The following NCKAP5 variants were observed in gnomAD, a reference collection of about 807,000 sequenced individuals.
NCKAP5 encodes the protein NCK associated protein 5, also known as nck-associated protein 5.
Under a neutral mutation model 167.0 loss-of-function variants are expected in NCKAP5, and 92 were observed. The observed-to-expected ratio is 0.55, with a 90% CI of 0.47 to 0.66. NCKAP5 has a LOEUF of 0.66. NCKAP5 is among the 30% of genes least tolerant of loss of function. The pLI is 0.00. For missense variants in NCKAP5, 2,378 were observed against 2,315.0 expected, an observed-to-expected ratio of 1.03 and a Z score of -0.56; for synonymous variants, 891 against 877.4, an observed-to-expected ratio of 1.02 and a Z score of -0.27.
chr2:133,550,853 T>A (rs1199180008), intron 2 of NCKAP5, among the ~76,000 whole-genome samples: 1 of 144,330 alleles, frequency 6.9e-6, no homozygotes, highest in Non-Finnish European at 1.5e-5. Context: ...AAAACCCCAT[T>A]GTCTCAGCCC....
In NCKAP5 at chr2:133,564,278, T is replaced by C. The variant is rs115444432; in HGVS notation, c.-130+3938A>G. ...ATACAATGATCATAATAAGATAGCA[T>C]GAGCACAGAGCTTGAAAGTGTGCCT... On this transcript the variant is annotated intron_variant, in intron 1 of 19. Transcript: ENST00000409261. 3.5e-3 allele frequency among the ~76,000 whole-genome samples: 528 copies of C among 152,352 alleles called. 1 individual carries two copies. Among genetic ancestry groups the C allele is most frequent in the African/African-American group, 0.012 (498 of 41,590 alleles).
chr2:133,174,722 C>A (rs2084387193), intron 5 of NCKAP5, among the ~76,000 whole-genome samples: 1 of 150,758 alleles, frequency 6.6e-6, no homozygotes, highest in Non-Finnish European at 1.5e-5. Flanking sequence ...TTTTCTCCCC[C>A]CTGCTCCAGC....
chr2:133,238,674 T>C (rs2087538059), intron 4 of NCKAP5, among the ~76,000 whole-genome samples: 1 of 152,206 alleles, frequency 6.6e-6, no homozygotes, highest in African/African-American at 2.4e-5. Flanking sequence ...ATTCTTTATT[T>C]ATAAATGAAA....
At chr2:133,355,357 CTGCATA>C (rs1684638691) in intron 3 of NCKAP5, among the ~76,000 whole-genome samples, 2 of 152,158 alleles carry the variant, frequency 1.3e-5, no homozygotes, top group Non-Finnish European at 1.5e-5. Context: ...ATAAAAAGTT[CTGCATA>C]TACCTACTGA....
chr2:133,245,868 CA>C (rs1196681938), intron 4 of NCKAP5, among the ~76,000 whole-genome samples: 5 of 90,160 alleles, frequency 5.5e-5, no homozygotes, highest in African/African-American at 2.1e-4. Context: ...TAACTCAGAG[CA>C]AAAAAGGATT....
chr2:133,472,423 G>C (rs1396317228), intron 3 of NCKAP5, among the ~76,000 whole-genome samples: 1 of 151,792 alleles, frequency 6.6e-6, no homozygotes, highest in Non-Finnish European at 1.5e-5. Flanking sequence ...TGAAGATCTT[G>C]GTGCAATGGA....
the NCKAP5 span, among the ~76,000 whole-genome samples, chr2:133,603,280 G>T: frequency 6.9e-6 from 1 of 145,486 alleles, no homozygotes; most frequent in East Asian, 2.0e-4. Context: ...AGGCTGAAGT[G>T]CGATGGCGCA....
At chr2:133,671,236 A>AAAG in the NCKAP5 span, among the ~76,000 whole-genome samples, 1 of 150,780 alleles carries the variant, frequency 6.6e-6, no homozygotes, top group East Asian at 1.9e-4. Context: ...AAAAAAAAAA[A>AAAG]AAAGAAAGAA....
chr2:133,492,170 T>TGTGTGTGTG (rs1559524824), intron 3 of NCKAP5, among the ~76,000 whole-genome samples: 5 of 151,474 alleles, frequency 3.3e-5, no homozygotes, highest in Admixed American at 6.6e-5. Context: ...TGTGTGTGTG[T>TGTGTGTGTG]TAAGGTCTAT....
intron 5 of NCKAP5, among the ~76,000 whole-genome samples, chr2:133,184,614 C>T (rs2084867366): frequency 6.6e-6 from 1 of 152,138 alleles, no homozygotes; most frequent in African/African-American, 2.4e-5. Context: ...TTCTCAACAA[C>T]CCCTCCAACA....
intron 4 of NCKAP5, among the ~76,000 whole-genome samples, chr2:133,262,198 G>A (rs1342606926): frequency 6.6e-6 from 1 of 151,864 alleles, no homozygotes; most frequent in Non-Finnish European, 1.5e-5. Context: ...TCATAAACTG[G>A]CCCCAAATCA....
chr2:133,299,021 G>A (rs1198843836), intron 4 of NCKAP5, among the ~76,000 whole-genome samples: 1 of 151,250 alleles, frequency 6.6e-6, no homozygotes, highest in African/African-American at 2.4e-5. Flanking sequence ...AGAACTTAAA[G>A]TATAATTTAA....
the NCKAP5 span, among the ~76,000 whole-genome samples, chr2:133,608,994 TA>T: frequency 2.0e-5 from 3 of 152,338 alleles, no homozygotes; most frequent in East Asian, 3.9e-4. Flanking sequence ...ACAAACTATC[TA>T]ATCAGTTACT....
chr2:133,121,571 T>C (rs2082252732), intron 6 of NCKAP5, among the ~76,000 whole-genome samples: 1 of 152,224 alleles, frequency 6.6e-6, no homozygotes, highest in African/African-American at 2.4e-5. Flanking sequence ...CCTTTGTCTA[T>C]GTTTTGTTTT....
chr2:133,267,952 C>G (rs912610065), intron 4 of NCKAP5, among the ~76,000 whole-genome samples: 2 of 152,166 alleles, frequency 1.3e-5, no homozygotes, highest in Non-Finnish European at 2.9e-5. Context: ...TGGAAGAACA[C>G]AACCAATGGG....
In NCKAP5 at chr2:132,782,476, T is replaced by C. The variant is rs372508613; in HGVS notation, c.4335A>G (p.Leu1445=). ...STFETSSTSK[L]ETSGRHPDAS... ...CATCTGGATGCCTTCCAGAAGTTTC[T>C]AGCTTGGATGTACTGCTTGTTTCAA... Residue 1445 remains leucine, a synonymous_variant, in exon 14 of 20, where the codon CTA becomes CTG. Coordinates refer to ENST00000409261, the MANE Select transcript of NCKAP5 (RefSeq NM_207363.3). The C allele has an allele frequency of 5.6e-6, 9 of 1,612,434 alleles. No homozygotes were observed. Among genetic ancestry groups the C allele is most frequent in the African/African-American group, 2.7e-5 (2 of 74,780 alleles).
At chr2:133,473,632 T>C (rs140763463) in intron 3 of NCKAP5, among the ~76,000 whole-genome samples, 230 of 152,366 alleles carry the variant, frequency 1.5e-3, no homozygotes, top group Non-Finnish European at 1.7e-3. Flanking sequence ...AAATCAGGGC[T>C]CAGTTTATCC....
intron 8 of NCKAP5, among the ~76,000 whole-genome samples, chr2:132,894,607 C>T (rs1292042306): frequency 1.3e-5 from 2 of 152,178 alleles, no homozygotes; most frequent in East Asian, 3.9e-4. Flanking sequence ...CTCTAACTCT[C>T]CTTGTTCTCT....
chr2:133,247,551 C>T (rs1003359614), intron 4 of NCKAP5, among the ~76,000 whole-genome samples: 7 of 152,184 alleles, frequency 4.6e-5, no homozygotes, highest in South Asian at 2.1e-4. Context: ...CAAGGTCTTA[C>T]GCTATTAAAA....
Sources: allele counts gnomAD v4.1 joint callset (sites outside exome capture counted in the v4.1 genomes callset), GRCh38; gene constraint gnomAD v4.1.1; transcripts MANE v1.5; gene names NCBI Gene and HGNC (gene_info 2026-07-23, HGNC 2026-07-21).